The following CDH18 variants were observed in gnomAD, a reference collection of about 807,000 sequenced individuals.
CDH18 encodes the protein cadherin 18.
In CDH18, 31 loss-of-function variants were observed where a neutral mutation model predicts 67.9. The ratio of observed to expected loss-of-function variants is 0.46; its 90% CI spans 0.34 to 0.62. CDH18 has a LOEUF of 0.62. Among genes scored for constraint, CDH18 ranks in the 20% least tolerant of loss-of-function variants. CDH18 has a pLI of 0.01. For missense variants in CDH18, 890 were observed against 975.5 expected, an observed-to-expected ratio of 0.91 and a Z score of 1.17; for synonymous variants, 362 against 347.2, an observed-to-expected ratio of 1.04 and a Z score of -0.48.
At chr5:19,610,482 T>G (rs1316835504) in intron 6 of CDH18, among the ~76,000 whole-genome samples, 1 of 151,946 alleles carries the variant, frequency 6.6e-6, no homozygotes, top group African/African-American at 2.4e-5. Context: ...AATAATTATT[T>G]TAGGAAGAAA....
intron 2 of CDH18, among the ~76,000 whole-genome samples, chr5:20,067,083 T>A (rs558657669): frequency 1.3e-5 from 2 of 152,040 alleles, no homozygotes; most frequent in East Asian, 3.9e-4. Flanking sequence ...GTATTTACAT[T>A]GTATTAGGTA....
intron 5 of CDH18, among the ~76,000 whole-genome samples, chr5:19,624,120 G>C (rs1751141229): frequency 1.3e-5 from 2 of 151,520 alleles, no homozygotes; most frequent in South Asian, 4.2e-4. Context: ...TGATTCTCCT[G>C]TCTCAGTCTC....
chr5:20,456,918 G>C (rs377160358), intron 1 of CDH18, among the ~76,000 whole-genome samples: 2 of 152,200 alleles, frequency 1.3e-5, no homozygotes, highest in East Asian at 3.9e-4. Context: ...CAAGAATGTC[G>C]GGTTGACATT....
At chr5:20,470,662 C>T (rs1364112971) in intron 1 of CDH18, among the ~76,000 whole-genome samples, 1 of 152,168 alleles carries the variant, frequency 6.6e-6, no homozygotes, top group African/African-American at 2.4e-5. Context: ...GTTATCAAAG[C>T]CCACTCATCA....
intron 2 of CDH18, among the ~76,000 whole-genome samples, chr5:19,944,877 A>G (rs1241936058): frequency 6.6e-6 from 1 of 152,160 alleles, no homozygotes; most frequent in Non-Finnish European, 1.5e-5. Flanking sequence ...ACGGGATTGC[A>G]GTGGCTTGTC....
At chr5:20,015,895 C>A (rs909114555) in intron 2 of CDH18, among the ~76,000 whole-genome samples, 3 of 151,978 alleles carry the variant, frequency 2.0e-5, no homozygotes, top group Admixed American at 6.6e-5. Context: ...TGAATTAGGT[C>A]TTTAGCATAT....
At chr5:20,389,362 C>A (rs1194219684) in intron 1 of CDH18, among the ~76,000 whole-genome samples, 1 of 152,106 alleles carries the variant, frequency 6.6e-6, no homozygotes, top group Non-Finnish European at 1.5e-5. Context: ...TTTTCAGAGA[C>A]TAGTATTGCA....
chr5:20,062,927 C>T (rs1561759645), intron 2 of CDH18, among the ~76,000 whole-genome samples: 1 of 150,708 alleles, frequency 6.6e-6, no homozygotes, highest in Admixed American at 6.6e-5. Flanking sequence ...AAACCTCATT[C>T]TAAATTTATA....
At position 19,895,668 on chromosome 5, in the gene CDH18, T is replaced by C. The variant is rs536668127; in HGVS notation, c.-256-56426A>G. 2.0e-5 allele frequency among the ~76,000 whole-genome samples: 3 copies of C among 152,262 alleles called. No individual in the cohort carries two copies. The South Asian group carries it at 6.2e-4, about 32-fold the overall frequency. On this transcript the variant is annotated intron_variant, in intron 2 of 12. Transcript: ENST00000382275. ...ACCATACAGCCATACCACAACGAAA[T>C]GGCTCAGCAATAAGAAAATAGACTA...
intron 2 of CDH18, among the ~76,000 whole-genome samples, chr5:20,087,388 C>A (rs1317256629): frequency 4.6e-5 from 7 of 151,918 alleles, no homozygotes; most frequent in Non-Finnish European, 1.0e-4. Flanking sequence ...AGTGGCAAGG[C>A]TTGAGATAAT....
chr5:19,490,394 G>GGTTTTTTTTTTTTT (rs1741223437), intron 11 of CDH18, among the ~76,000 whole-genome samples: 2 of 60,210 alleles, frequency 3.3e-5, no homozygotes, highest in African/African-American at 1.3e-4. Context: ...ATAAAAATCT[G>GGTTTTTTTTTTTTT]TTTTTTTTTT....
In CDH18 at chr5:20,163,245, C is replaced by T. The variant is rs1736033736; in HGVS notation, c.-518+92199G>A. Among the ~76,000 whole-genome samples, 6 of 152,120 alleles carry T rather than the reference C, an allele frequency of 3.9e-5. No homozygotes were observed. In the South Asian group the frequency reaches 1.2e-3, roughly 32 times the overall value. On this transcript the variant is annotated intron_variant, in intron 2 of 14. Coordinates refer to the CDH18 transcript ENST00000507958. ...CTCAAAAGAATACAGAGCCCTGTTT[C>T]ACCCTAATGCCCTTATCAAACTTAA... is the stretch of plus-strand genomic sequence containing the variant.
At chr5:20,070,316 G>T (rs1743368223) in intron 2 of CDH18, among the ~76,000 whole-genome samples, 1 of 152,046 alleles carries the variant, frequency 6.6e-6, no homozygotes, top group Admixed American at 6.6e-5. Context: ...GTCTTGGTTG[G>T]TTCAAAAATC....
intron 2 of CDH18, among the ~76,000 whole-genome samples, chr5:19,912,185 A>AT (rs983569366): frequency 1.1e-4 from 16 of 149,728 alleles, no homozygotes; most frequent in South Asian, 2.1e-4. Flanking sequence ...AATAATAATA[A>AT]AAAAAAAACA....
At chr5:20,526,077 C>T (rs1756036249) in intron 1 of CDH18, among the ~76,000 whole-genome samples, 1 of 152,136 alleles carries the variant, frequency 6.6e-6, no homozygotes, top group Non-Finnish European at 1.5e-5. Flanking sequence ...TTTCCCCTGC[C>T]AGTGCAAGGG....
chr5:20,109,651 G>A (rs927551161), intron 2 of CDH18, among the ~76,000 whole-genome samples: 1 of 152,132 alleles, frequency 6.6e-6, no homozygotes, highest in Non-Finnish European at 1.5e-5. Context: ...AGTATGGAAT[G>A]TATAGCCTTT....
rs1406885362 is a variant in CDH18 at position 19,717,279 on chromosome 5, A to G, written c.643+4068T>C. On this transcript the variant is annotated intron_variant, in intron 5 of 12. Transcript: ENST00000382275. ...TAGATGCACTAACAAAAATAATATT[A>G]AGTAGTTCATAAGTTGTTAACTATG... 3.3e-5 allele frequency among the ~76,000 whole-genome samples: 5 copies of G among 152,100 alleles called. No individual in the cohort carries two copies. The East Asian group carries it at 7.7e-4, about 23-fold the overall frequency.
At chr5:19,772,313 G>C (rs1345637650) in intron 3 of CDH18, among the ~76,000 whole-genome samples, 1 of 152,038 alleles carries the variant, frequency 6.6e-6, no homozygotes, top group Admixed American at 6.6e-5. Context: ...AGTTAATCTG[G>C]ATTATCCAGA....
intron 1 of CDH18, among the ~76,000 whole-genome samples, chr5:20,484,244 T>C (rs933296360): frequency 6.6e-6 from 1 of 151,988 alleles, no homozygotes; most frequent in Non-Finnish European, 1.5e-5. Context: ...ATCACCTCAG[T>C]TAAAATGGGT....
Sources: gnomAD v4.1 joint callset for allele counts (sites outside exome capture counted in the v4.1 genomes callset) on GRCh38, gnomAD v4.1.1 for gene constraint, MANE v1.5 for transcripts, NCBI Gene and HGNC (gene_info 2026-07-23, HGNC 2026-07-21) for gene names.